PCDHGA2: variants seen among roughly 807,000 people sequenced by gnomAD.
PCDHGA2 encodes protocadherin gamma-A2.
A neutral mutation model predicts 59.2 loss-of-function variants in PCDHGA2; 40 were observed. The observed-to-expected ratio is 0.68, with a 90% confidence interval of 0.52 to 0.88. The LOEUF (loss-of-function observed/expected upper bound fraction) is 0.88, where lower values mean the gene tolerates loss of function less well. Ranked by LOEUF, PCDHGA2 falls within the 40% of genes least tolerant of loss-of-function variation. The pLI is 0.00. For missense variants in PCDHGA2, 1,226 were observed against 1,204.0 expected (o/e 1.02, Z -0.27); for synonymous variants, 560 against 526.0 (o/e 1.06, Z -0.89).
At chr5:141,473,623 A>T (rs186624707) in intron 1 of PCDHGA2, among the ~76,000 whole-genome samples, 8 of 152,280 alleles carry the variant, frequency 5.3e-5, no homozygotes, top group Non-Finnish European at 1.5e-5. Flanking sequence ...GAGGGAGGAA[A>T]AAGCAGCTTT....
At chr5:141,405,410 T>C (rs1483035668) in intron 1 of PCDHGA2, 2 of 1,557,296 alleles carry the variant, frequency 1.3e-6, no homozygotes, top group Non-Finnish European at 1.8e-6. Context: ...TTCTTTTCTT[T>C]TTTTGTTTTT....
intron 1 of PCDHGA2, chr5:141,400,310 G>C: frequency 6.2e-7 from 1 of 1,614,084 alleles, no homozygotes; most frequent in African/African-American, 1.3e-5. Context: ...CCTGGTCTCT[G>C]TGTCAAGTCT....
chr5:141,512,068 C>T lies in PCDHGA2; in HGVS notation c.*895C>T, dbSNP rs1215311369. 6.6e-6 allele frequency: 1 copy of T among 152,664 alleles called. No individual in the cohort carries two copies. The highest frequency in any genetic ancestry group is 1.5e-5 in the Non-Finnish European group (1 of 68,066). The allele number at this position is 152,664 out of a possible 1,614,324, so 9.5% of individuals were successfully genotyped here. On this transcript the variant is annotated 3_prime_UTR_variant, in exon 4 of 4. Transcript: ENST00000394576. The stretch of plus-strand genomic sequence containing the variant: ...TCCTCAGGGGACTGACAACATCCTC[C>T]AGATTCCAGCCATAAACCAATAACT...
At position 141,485,010 on chromosome 5, in the gene PCDHGA2, C is replaced by T; in HGVS notation, c.2425-9797C>T. 1 of 629,958 alleles carries T rather than the reference C, an allele frequency of 1.6e-6. No homozygotes were observed. The highest frequency in any genetic ancestry group is 2.9e-6 in the Non-Finnish European group (1 of 350,608). 39.0% of individuals were successfully genotyped at this position (629,958 alleles called of 1,614,324 possible). On this transcript the variant is annotated intron_variant, in intron 1 of 3. Coordinates refer to ENST00000394576, the MANE Select transcript of PCDHGA2 (RefSeq NM_018915.4). This position sits in a 1 kb window ranked among gnomAD's most constrained non-coding sequence, Gnocchi z 5.7. ...GTGGTGAAAGGCAGACAAATCTACC[C>T]CGCCACCAGCAAAAACGGCGCGTAA...
At chr5:141,356,992 T>C (rs1339051627) in intron 1 of PCDHGA2, 2 of 1,614,090 alleles carry the variant, frequency 1.2e-6, no homozygotes, top group Non-Finnish European at 1.7e-6. Context: ...GGACAGAGAC[T>C]CAGGTCAGAA....
In PCDHGA2 at chr5:141,477,211, C is replaced by T. The variant is rs1282763530; in HGVS notation, c.2425-17596C>T. On this transcript the variant is annotated intron_variant, in intron 1 of 3. Coordinates refer to ENST00000394576, the MANE Select transcript of PCDHGA2 (RefSeq NM_018915.4). The surrounding 1 kb of genome is among the most constrained non-coding windows in gnomAD (Gnocchi z 4.9). ...TGTACAGCCCAGTACCCGAGGATGC[C>T]CCTCTGGGGACTGTCATCGCTTTGC... 2 of 1,614,154 alleles carry T rather than the reference C, an allele frequency of 1.2e-6. No individual in the cohort carries two copies. Among genetic ancestry groups the T allele is most frequent in the East Asian group, 4.5e-5 (2 of 44,870 alleles).
At chr5:141,505,298 T>TA in intron 2 of PCDHGA2, 95 bp from the exon 3 acceptor site, 1 of 1,586,334 alleles carries the variant, frequency 6.3e-7, no homozygotes, top group Non-Finnish European at 8.6e-7. Context: ...GGGGTAGGGT[T>TA]AGGGTACTAG....
intron 1 of PCDHGA2, among the ~76,000 whole-genome samples, chr5:141,348,371 C>T (rs535633388): frequency 6.6e-6 from 1 of 152,178 alleles, no homozygotes; most frequent in South Asian, 2.1e-4. Context: ...GACTTTGAGA[C>T]CTACTTGGGC....
chr5:141,365,329 G>T (rs768826451), intron 1 of PCDHGA2: 1 of 1,613,968 alleles, frequency 6.2e-7, no homozygotes, highest in Non-Finnish European at 8.5e-7. Flanking sequence ...GCGCTAAGGT[G>T]GTGGTCACAG....
At chr5:141,446,132 TA>T (rs1252851903) in intron 1 of PCDHGA2, among the ~76,000 whole-genome samples, 1 of 152,204 alleles carries the variant, frequency 6.6e-6, no homozygotes, top group African/African-American at 2.4e-5. Context: ...CAATAAGACT[TA>T]ATAATGGAAT....
intron 1 of PCDHGA2, chr5:141,413,935 A>G: frequency 1.2e-6 from 2 of 1,613,372 alleles, no homozygotes; most frequent in Non-Finnish European, 1.7e-6. Flanking sequence ...ATACCGAGTG[A>G]GTGTTCCTGA....
At chr5:141,484,958 G>T in intron 1 of PCDHGA2, 1 of 575,874 alleles carries the variant, frequency 1.7e-6, no homozygotes. Flanking sequence ...TATTGGCTGA[G>T]CCCGGGAGCC....
intron 1 of PCDHGA2, chr5:141,352,698 T>C: frequency 1.9e-6 from 3 of 1,551,870 alleles, no homozygotes; most frequent in Non-Finnish European, 2.6e-6. Context: ...AGTTAAATTT[T>C]ATATATGGCG....
chr5:141,403,952 C>T, intron 1 of PCDHGA2: 1 of 1,613,684 alleles, frequency 6.2e-7, no homozygotes, highest in Non-Finnish European at 8.5e-7. Flanking sequence ...GACAAAAGTG[C>T]TCATTTCGGT....
At chr5:141,352,388 C>T (rs1021854619) in intron 1 of PCDHGA2, 2 of 1,614,058 alleles carry the variant, frequency 1.2e-6, no homozygotes, top group Non-Finnish European at 1.7e-6. Flanking sequence ...GATCGCCCTG[C>T]GCCTGCGACG....
chr5:141,419,872 A>G (rs1354880437), intron 1 of PCDHGA2: 1 of 1,614,094 alleles, frequency 6.2e-7, no homozygotes, highest in Admixed American at 1.7e-5. Flanking sequence ...TGCAAGAGGT[A>G]CTGCCGGATT....
At chr5:141,474,964 CATT>C (rs1489874965) in intron 1 of PCDHGA2, among the ~76,000 whole-genome samples, 1 of 152,216 alleles carries the variant, frequency 6.6e-6, no homozygotes, top group Non-Finnish European at 1.5e-5. Context: ...CTATCCTAAT[CATT>C]ATAATTTTGT....
At position 141,345,812 on chromosome 5, in the gene PCDHGA2, G is replaced by T. The variant is rs750444866; in HGVS notation, c.2424+4417G>T. The T allele has an allele frequency of 1.5e-5, 25 of 1,613,746 alleles. No individual in the cohort carries two copies. In the East Asian group the frequency reaches 4.2e-4, roughly 27 times the overall value. On this transcript the variant is annotated intron_variant, in intron 1 of 3. Coordinates refer to ENST00000394576, the MANE Select transcript of PCDHGA2 (RefSeq NM_018915.4). ...GCTACCTGGTGACCAAGGTGGTGGC[G>T]GTGGACAGAGACTCGGGCCAGAACG...
At chr5:141,497,223 T>C (rs921763195) in intron 2 of PCDHGA2, among the ~76,000 whole-genome samples, 1 of 151,762 alleles carries the variant, frequency 6.6e-6, no homozygotes, top group Admixed American at 6.6e-5. Context: ...GGGGGGAAGA[T>C]CAGAGAAGGC....
Sources: gnomAD v4.1 joint callset for allele counts (sites outside exome capture counted in the v4.1 genomes callset) on GRCh38, gnomAD v4.1.1 for gene constraint, Gnocchi (gnomAD v3.1) non-coding constraint, MANE v1.5 for transcripts, NCBI Gene and HGNC (gene_info 2026-07-23, HGNC 2026-07-21) for gene names.